Variants in ELP4 observed in about 807,000 individuals in gnomAD.
ELP4 encodes the protein elongator complex protein 4.
Under a neutral mutation model 48.9 loss-of-function variants are expected in ELP4, and 51 were observed. The ratio of observed to expected loss-of-function variants is 1.04; its 90% CI spans 0.83 to 1.32. The LOEUF is 1.32. ELP4 is among the 40% of genes most tolerant of loss of function. The pLI, the probability that ELP4 is intolerant of heterozygous loss-of-function variation, is 0.00. For synonymous variants in ELP4, 210 were observed against 189.2 expected, an observed-to-expected ratio of 1.11 and a Z score of -0.90; for missense variants, 519 against 514.6, an observed-to-expected ratio of 1.01 and a Z score of -0.08.
At chr11:31,545,901 G>A (rs894152727) in intron 3 of ELP4, among the ~76,000 whole-genome samples, 2 of 151,970 alleles carry the variant, frequency 1.3e-5, no homozygotes, top group East Asian at 3.9e-4. Context: ...ATAAGTGAAG[G>A]AGAAATAAAA....
intron 2 of ELP4, among the ~76,000 whole-genome samples, chr11:31,526,491 T>C (rs1187383401): frequency 2.0e-5 from 3 of 152,018 alleles, no homozygotes; most frequent in East Asian, 3.8e-4. Flanking sequence ...ACATCTAACA[T>C]AGTATACTGC....
intron 9 of ELP4, among the ~76,000 whole-genome samples, chr11:31,780,443 A>G (rs1308846389): frequency 6.6e-6 from 1 of 152,210 alleles, no homozygotes; most frequent in African/African-American, 2.4e-5. Flanking sequence ...AAAGCAGGCA[A>G]AATCACACAT....
In ELP4 at chr11:31,650,117, T is replaced by C. The variant is rs1262526981; in HGVS notation, c.1039T>C (p.Leu347=). The C allele has an allele frequency of 2.3e-6, 3 of 1,313,634 alleles. No individual in the cohort carries two copies. In the Admixed American group the frequency reaches 5.5e-5, roughly 24 times the overall value. 81.4% of individuals were successfully genotyped at this position (1,313,634 alleles called of 1,614,324 possible). A position where few individuals can be genotyped will look rare whatever the true frequency, so the allele number is the denominator to read the frequency against. Residue 347 remains leucine (L), a splice_region_variant and synonymous_variant, in exon 9 of 10, where the codon TTG becomes CTG. Transcript: ENST00000640961. ...TCTTTTAATTTCTTTTCCACAAGGA[T>C]TGATTCATATACGGCAGATTCCTCG... ...TNPLYKDYHG[L]IHIRQIPRLN... is the part of the protein sequence containing the mutation.
chr11:31,559,315 A>T (rs75809979), intron 3 of ELP4, among the ~76,000 whole-genome samples: 153 of 152,288 alleles, frequency 1.0e-3, no homozygotes, highest in African/African-American at 3.6e-3. Flanking sequence ...TTAGTTCACC[A>T]CGTCTGTCTT....
At chr11:31,738,867 C>T (rs1415641652) in intron 9 of ELP4, among the ~76,000 whole-genome samples, 2 of 152,034 alleles carry the variant, frequency 1.3e-5, no homozygotes, top group Non-Finnish European at 2.9e-5. Flanking sequence ...GCATTTAAAA[C>T]AGTCAAACAG....
intron 9 of ELP4, among the ~76,000 whole-genome samples, chr11:31,687,419 C>T (rs756228653): frequency 3.9e-5 from 6 of 152,034 alleles, no homozygotes; most frequent in Non-Finnish European, 8.8e-5. Context: ...ATGAACAATG[C>T]CAAATGCATT....
intron 2 of ELP4, among the ~76,000 whole-genome samples, chr11:31,530,249 A>AT (rs1956371214): frequency 1.3e-5 from 2 of 152,216 alleles, no homozygotes; most frequent in African/African-American, 4.8e-5. Context: ...TCATGGAAGC[A>AT]GCTCCGGATA....
chr11:31,618,787 T>G (rs979558195), intron 5 of ELP4, among the ~76,000 whole-genome samples: 1 of 152,094 alleles, frequency 6.6e-6, no homozygotes, highest in Admixed American at 6.6e-5. Context: ...AATGAAAATA[T>G]TCTAAAATTA....
At chr11:31,690,528 T>C (rs567624611) in intron 9 of ELP4, among the ~76,000 whole-genome samples, 2 of 152,264 alleles carry the variant, frequency 1.3e-5, no homozygotes, top group East Asian at 3.9e-4. Flanking sequence ...TAGAACTTCA[T>C]ACACAAGACA....
chr11:31,707,580 A>G (rs1489827665), intron 9 of ELP4, among the ~76,000 whole-genome samples: 1 of 152,134 alleles, frequency 6.6e-6, no homozygotes, highest in Non-Finnish European at 1.5e-5. Context: ...AAATTATACA[A>G]GTGATATGTG....
At chr11:31,743,214 G>A (rs951653351) in intron 9 of ELP4, among the ~76,000 whole-genome samples, 1 of 152,160 alleles carries the variant, frequency 6.6e-6, no homozygotes, top group Non-Finnish European at 1.5e-5. Context: ...AAATATATAT[G>A]TTCCCAATAC....
At chr11:31,575,873 C>T (rs545179781) in intron 3 of ELP4, among the ~76,000 whole-genome samples, 1 of 152,304 alleles carries the variant, frequency 6.6e-6, no homozygotes, top group African/African-American at 2.4e-5. Context: ...TAGGAAGAAA[C>T]TGCATTAACT....
chr11:31,698,401 A>T (rs1024506839), intron 9 of ELP4, among the ~76,000 whole-genome samples: 5 of 152,100 alleles, frequency 3.3e-5, no homozygotes, highest in Admixed American at 1.3e-4. Flanking sequence ...TTACAATTAC[A>T]TTGCGACAGC....
chr11:31,514,020 T>C (rs1956059844), intron 1 of ELP4, among the ~76,000 whole-genome samples: 1 of 152,216 alleles, frequency 6.6e-6, no homozygotes, highest in Admixed American at 6.5e-5. Flanking sequence ...CAGCCAATAA[T>C]TGTGTCATAA....
At chr11:31,670,324 A>G (rs1438061188) in intron 9 of ELP4, among the ~76,000 whole-genome samples, 2 of 152,160 alleles carry the variant, frequency 1.3e-5, no homozygotes, top group African/African-American at 4.8e-5. Flanking sequence ...ACTGGATAGT[A>G]ATATCCCATG....
intron 9 of ELP4, among the ~76,000 whole-genome samples, chr11:31,759,640 T>A (rs771143585): frequency 6.6e-6 from 1 of 152,216 alleles, no homozygotes; most frequent in Non-Finnish European, 1.5e-5. Context: ...CACACACTAA[T>A]AGCATTGTTT....
chr11:31,576,796 A>G (rs977540606), intron 3 of ELP4, among the ~76,000 whole-genome samples: 1 of 152,056 alleles, frequency 6.6e-6, no homozygotes, highest in Non-Finnish European at 1.5e-5. Flanking sequence ...AAAGCAATAT[A>G]TAGAGGGAAA....
chr11:31,720,278 A>G (rs983095656), intron 9 of ELP4, among the ~76,000 whole-genome samples: 3 of 151,510 alleles, frequency 2.0e-5, no homozygotes, highest in African/African-American at 7.3e-5. Flanking sequence ...AAAATCTTAC[A>G]CCTCTTTTTT....
chr11:31,740,023 C>T (rs373358951), intron 9 of ELP4, among the ~76,000 whole-genome samples: 4 of 152,292 alleles, frequency 2.6e-5, no homozygotes, highest in South Asian at 4.1e-4. Context: ...TCAGCAAACA[C>T]GGTTGCCAAG....
Sources: gnomAD v4.1 joint callset for allele counts (sites outside exome capture counted in the v4.1 genomes callset) on GRCh38, gnomAD v4.1.1 for gene constraint, MANE v1.5 for transcripts, NCBI Gene and HGNC (gene_info 2026-07-23, HGNC 2026-07-21) for gene names.